Variants in UBAP2L observed in about 807,000 individuals in gnomAD.
The protein encoded by UBAP2L is ubiquitin-associated protein 2-like.
UBAP2L carries 12 observed loss-of-function variants against 130.6 expected under a neutral mutation model. That is an observed-to-expected ratio of 0.09 (90% CI 0.06 to 0.15). The LOEUF (loss-of-function observed/expected upper bound fraction) is 0.15. Among genes scored for constraint, UBAP2L ranks in the 10% least tolerant of loss-of-function variants. UBAP2L has a pLI of 1.00. For missense variants in UBAP2L, 965 were observed against 1,332.5 expected (o/e 0.72, Z 4.29); for synonymous variants, 503 against 524.7 (o/e 0.96, Z 0.57).
chr1:154,253,659 A>AC (rs1409412854), intron 14 of UBAP2L, among the ~76,000 whole-genome samples: 1 of 152,206 alleles, frequency 6.6e-6, no homozygotes, highest in African/African-American at 2.4e-5. Context: ...GGCGTGAGCC[A>AC]CTGCGCCCGG....
At position 154,246,392 on chromosome 1, in the gene UBAP2L, G is replaced by A. The variant is rs770665045; in HGVS notation, c.1014+17G>A. 1 of 1,603,304 alleles carries A rather than the reference G, an allele frequency of 6.2e-7. No homozygotes were observed. The highest frequency in any genetic ancestry group is 8.5e-7 in the Non-Finnish European group (1 of 1,172,440). Reference sequence around the variant, plus strand: ...CACAGTATGGTGAGTAGGAAACGTGGTTTATCCTAATCAAACCTTCCTGCT... The same window carrying A: ...CACAGTATGGTGAGTAGGAAACGTGATTTATCCTAATCAAACCTTCCTGCT... On this transcript the variant is annotated intron_variant, in intron 11 of 26. Transcript: ENST00000428931.
chr1:154,249,699 G>T (rs1676832749), intron 12 of UBAP2L, among the ~76,000 whole-genome samples: 1 of 152,030 alleles, frequency 6.6e-6, no homozygotes, highest in Non-Finnish European at 1.5e-5. Context: ...ACTTTGGGAG[G>T]TTGAAGTGGG....
At chr1:154,246,398 C>G (rs759110613) in intron 11 of UBAP2L, 23 bp downstream of exon 11, 2 of 1,595,380 alleles carry the variant, frequency 1.3e-6, no homozygotes, top group African/African-American at 1.3e-5. Context: ...CGTGGTTTAT[C>G]CTAATCAAAC....
At chr1:154,241,392 G>C (rs1673580481) in intron 8 of UBAP2L, 121 bp from the exon 9 acceptor site, 1 of 891,790 alleles carries the variant, frequency 1.1e-6, no homozygotes, top group Non-Finnish European at 1.8e-6. Context: ...CTGGCCTTCT[G>C]ATTACTAAAT....
At chr1:154,271,217 C>A, downstream of UBAP2L, 3 of 330,284 alleles carry the variant, frequency 9.1e-6, no homozygotes, top group Non-Finnish European at 1.1e-5. Flanking sequence ...GAGACCATTT[C>A]AAAGAAAAAA....
intron 12 of UBAP2L, among the ~76,000 whole-genome samples, chr1:154,250,352 A>T (rs200265383): frequency 6.6e-6 from 1 of 151,354 alleles, no homozygotes. Flanking sequence ...GCACCTGGCC[A>T]TTTTTTTTTC....
intron 8 of UBAP2L, among the ~76,000 whole-genome samples, chr1:154,239,485 T>A (rs1672777381): frequency 6.6e-6 from 1 of 152,256 alleles, no homozygotes; most frequent in African/African-American, 2.4e-5. Context: ...GTTCATTTAA[T>A]GAATATTTGA....
Position 154,270,746 on chromosome 1 carries a change from A to AT in UBAP2L, c.*453dup, listed in dbSNP as rs1425668492. ...GAATATGAACAGCATTGTCAGATGA[A>AT]TTAGTTGAAGTGGTTTTTTTTTTGT... On this transcript the variant is annotated 3_prime_UTR_variant, in exon 27 of 27. Coordinates refer to ENST00000428931, the MANE Select transcript of UBAP2L (RefSeq NM_014847.4). 2.8e-6 allele frequency: 4 copies of AT among 1,416,304 alleles called. No homozygotes were observed. The East Asian group carries it at 1.0e-4, about 37-fold the overall frequency. The allele number at this position is 1,416,304 out of a possible 1,614,324, so 87.7% of individuals were successfully genotyped here.
chr1:154,269,590 C>G (rs1684279953), intron 26 of UBAP2L: 1 of 385,516 alleles, frequency 2.6e-6, no homozygotes, highest in Admixed American at 3.3e-5. Context: ...CCCCAACACC[C>G]TCTTTATCTT....
intron 15 of UBAP2L, 134 bp from the exon 16 acceptor site, chr1:154,254,699 ATAT>A: frequency 1.1e-6 from 1 of 952,204 alleles, no homozygotes; most frequent in Non-Finnish European, 1.6e-6. Context: ...CATTGTATTA[ATAT>A]TAATCCTTTT....
rs572998728 is a variant in UBAP2L at position 154,254,745 on chromosome 1, T to G, written c.1855-91T>G. On this transcript the variant is annotated intron_variant, in intron 15 of 26. Coordinates refer to ENST00000428931, the MANE Select transcript of UBAP2L (RefSeq NM_014847.4). ...TTACAGAGTTTCTCCTAAAGATTTGTTGACCAAAATAAAGCTGCATCAGTG... is the reference window on the plus strand; with the variant it reads ...TTACAGAGTTTCTCCTAAAGATTTGGTGACCAAAATAAAGCTGCATCAGTG... The G allele has an allele frequency of 9.5e-6, 13 of 1,363,752 alleles. No individual in the cohort carries two copies. The African/African-American group carries it at 1.6e-4, about 17-fold the overall frequency. The allele number at this position is 1,363,752 out of a possible 1,614,324, so 84.5% of individuals were successfully genotyped here. A position where few individuals can be genotyped will look rare whatever the true frequency, so the allele number is the denominator to read the frequency against.
chr1:154,270,838 A>G lies in UBAP2L; in HGVS notation c.*543A>G. On this transcript the variant is annotated 3_prime_UTR_variant, in exon 27 of 27. Transcript: ENST00000428931. Reference sequence around the variant, plus strand: ...TAATGTGTCTTGTATATATAAAAAGAAAACCTCTACCTTCAGCCTCTGCCT... The same window carrying G: ...TAATGTGTCTTGTATATATAAAAAGGAAACCTCTACCTTCAGCCTCTGCCT... 1 of 1,540,236 alleles carries G rather than the reference A, an allele frequency of 6.5e-7. No homozygotes were observed. Among genetic ancestry groups the G allele is most frequent in the Non-Finnish European group, 8.7e-7 (1 of 1,143,384 alleles).
chr1:154,227,147 T>C (rs1668221436), intron 2 of UBAP2L, 135 bp from the exon 3 acceptor site: 2 of 722,688 alleles, frequency 2.8e-6, no homozygotes, highest in East Asian at 5.4e-5. Flanking sequence ...TTAAGCGTCC[T>C]AAATGGTGCT....
chr1:154,238,855 C>G (rs1672560802), intron 8 of UBAP2L, among the ~76,000 whole-genome samples: 1 of 152,040 alleles, frequency 6.6e-6, no homozygotes, highest in African/African-American at 2.4e-5. Flanking sequence ...ATTCTCATGT[C>G]TCAGCCTCCT....
intron 10 of UBAP2L, 38 bp downstream of exon 10, chr1:154,243,340 A>T: frequency 6.3e-7 from 1 of 1,580,470 alleles, no homozygotes; most frequent in Non-Finnish European, 8.7e-7. Flanking sequence ...TTTCTTAAAC[A>T]CATCTGCTGA....
chr1:154,252,577 G>A (rs1678085684), intron 14 of UBAP2L, among the ~76,000 whole-genome samples: 1 of 151,208 alleles, frequency 6.6e-6, no homozygotes, highest in Non-Finnish European at 1.5e-5. Context: ...CACCACGCCT[G>A]GCTCAGAGTT....
rs1217042163 is a variant in UBAP2L, at chr1:154,261,098, G to A, written c.2785G>A (p.Ala929Thr). 2 of 1,613,872 alleles carry A rather than the reference G, an allele frequency of 1.2e-6. No homozygotes were observed. Among genetic ancestry groups the A allele is most frequent in the Non-Finnish European group, 1.7e-6 (2 of 1,179,830 alleles). ...CCCCAGCACCTTCCAGTATGGGCCT[G>A]CTGTGTTCCCTGTGAGTACCTGGCT... Reference protein sequence around the residue: ...GLPSTFQYGPAVFPVAPTSSK... With the variant: ...GLPSTFQYGPTVFPVAPTSSK... Residue 929 changes from alanine (A) to threonine (T), a missense_variant, in exon 23 of 27, where the codon GCT (alanine) becomes ACT (threonine). This residue lies in a region of UBAP2L where 194 missense variants were observed against 334.0 expected (regional missense o/e 0.58). Transcript: ENST00000428931.
At chr1:154,239,182 T>G (rs540352918) in intron 8 of UBAP2L, among the ~76,000 whole-genome samples, 51 of 152,258 alleles carry the variant, frequency 3.3e-4, no homozygotes, top group Admixed American at 5.2e-4. Flanking sequence ...ATGGGGATTA[T>G]GTATTGGGGC....
chr1:154,259,867 G>C, intron 21 of UBAP2L, 81 bp from the exon 22 acceptor site: 1 of 1,441,324 alleles, frequency 6.9e-7, no homozygotes, highest in Non-Finnish European at 9.8e-7. Flanking sequence ...ACATTCTTCT[G>C]TTTTTTCCTC....
Sources: allele counts gnomAD v4.1 joint callset (sites outside exome capture counted in the v4.1 genomes callset), GRCh38; gene constraint gnomAD v4.1.1; regional missense constraint gnomAD v4.1.1; transcripts MANE v1.5; gene names NCBI Gene and HGNC (gene_info 2026-07-23, HGNC 2026-07-21).